Variants in HUWE1 observed in about 807,000 individuals in gnomAD.
HUWE1 encodes the protein E3 ubiquitin-protein ligase HUWE1.
Under a neutral mutation model 299.4 loss-of-function variants are expected in HUWE1, and 18 were observed. The ratio of observed to expected loss-of-function variants is 0.06; its 90% confidence interval spans 0.04 to 0.09. HUWE1 has a LOEUF of 0.09. Ranked by LOEUF, HUWE1 falls within the 10% of genes least tolerant of loss-of-function variation. The pLI is 1.00. For missense variants in HUWE1, 1,832 were observed against 3,462.3 expected (o/e 0.53, Z 11.82); for synonymous variants, 1,317 against 1,286.1 (o/e 1.02, Z -0.51).
intron 28 of HUWE1, 45 bp downstream of exon 28, chrX:53,602,519 C>G (rs979593340): frequency 8.2e-5 from 63 of 773,003 alleles, no homozygotes; most frequent in Non-Finnish European, 1.2e-4. Flanking sequence ...GACGTAGGAA[C>G]AAAACTTAGA....
intron 43 of HUWE1, 117 bp from the exon 44 acceptor site, chrX:53,577,184 T>C (rs2063147721): frequency 7.1e-6 from 4 of 560,379 alleles, no homozygotes; most frequent in Non-Finnish European, 9.4e-6. Flanking sequence ...TAGGAGACCA[T>C]TTTCAATTAA....
Position 53,534,507 on chromosome X carries a change from G to A in HUWE1, c.12831+9C>T. On this transcript the variant is annotated intron_variant, in intron 82 of 83. Coordinates refer to ENST00000262854, the MANE Select transcript of HUWE1 (RefSeq NM_031407.7). ...GACCATATGAGGAGGGATGCCAGCA[G>A]CAGCTCACCTGAATAGAGTTGGACT... is the stretch of plus-strand genomic sequence containing the variant. 8.3e-7 allele frequency: 1 copy of A among 1,200,444 alleles called. No individual in the cohort carries two copies. The highest frequency in any genetic ancestry group is 1.1e-6 in the Non-Finnish European group (1 of 887,964).
At chrX:53,583,067 T>A (rs1302451878) in intron 42 of HUWE1, among the ~76,000 whole-genome samples, 1 of 112,323 alleles carries the variant, frequency 8.9e-6, no homozygotes, top group African/African-American at 3.2e-5. Flanking sequence ...AATAACCTGT[T>A]TTCTGATCTG....
chrX:53,638,446 CATAA>C (rs2067359746), intron 7 of HUWE1, among the ~76,000 whole-genome samples: 1 of 112,581 alleles, frequency 8.9e-6, no homozygotes, highest in East Asian at 2.8e-4. Context: ...GTAGATAACC[CATAA>C]ATAACTATAT....
At chrX:53,619,757 A>G (rs1389818533) in intron 19 of HUWE1, among the ~76,000 whole-genome samples, 1 of 111,599 alleles carries the variant, frequency 9.0e-6, no homozygotes, top group African/African-American at 3.3e-5. Flanking sequence ...TTACCCACAG[A>G]TGTACTTCAA....
At chrX:53,658,858 C>T (rs1192303805) in intron 3 of HUWE1, among the ~76,000 whole-genome samples, 2 of 112,584 alleles carry the variant, frequency 1.8e-5, no homozygotes, top group Non-Finnish European at 3.8e-5. Flanking sequence ...ACTCTTAAAA[C>T]TCAACAGTAA....
chrX:53,682,123 G>A (rs185993896), intron 2 of HUWE1, among the ~76,000 whole-genome samples: 1 of 112,393 alleles, frequency 8.9e-6, no homozygotes, highest in African/African-American at 3.2e-5. Context: ...ATTAGCATAT[G>A]ACACAGGTAC....
chrX:53,546,870 C>G (rs2061560003), intron 68 of HUWE1, 45 bp from the exon 69 acceptor site: 1 of 1,181,807 alleles, frequency 8.5e-7, no homozygotes, highest in South Asian at 1.9e-5. Flanking sequence ...CTGAAACTCA[C>G]AAGCCAGGGA....
At position 53,549,451 on chromosome X, in the gene HUWE1, C is replaced by G. The variant is rs781942225; in HGVS notation, c.9543G>C (p.Leu3181=). The change falls in exon 67 of 84, where the codon CTG becomes CTC. Residue 3181 remains leucine (L), a synonymous_variant. Coordinates refer to ENST00000262854, the MANE Select transcript of HUWE1 (RefSeq NM_031407.7). ...AGAGACAAGAAAGGGCTTCGTGGTC[C>G]AGAAGGAGCCGTCCTCGGAGGCGGA... ...TLLRLRGRLL[L]DHEALSCLLV... 8.3e-7 allele frequency: 1 copy of G among 1,211,040 alleles called. No homozygotes were observed. Among genetic ancestry groups the G allele is most frequent in the South Asian group, 1.8e-5 (1 of 56,967 alleles).
intron 4 of HUWE1, among the ~76,000 whole-genome samples, chrX:53,653,840 A>G (rs968849494): frequency 1.8e-5 from 2 of 111,963 alleles, no homozygotes; most frequent in Admixed American, 9.4e-5. Context: ...AGCTACGAAG[A>G]ACTAACTGAT....
In HUWE1 at chrX:53,561,848, G is replaced by C; in HGVS notation, c.7415C>G (p.Pro2472Arg). The change falls in exon 55 of 84, where the codon CCT becomes CGT. Residue 2472 changes from proline (P) to arginine (R), a missense_variant. By Grantham distance (103) the Pro-to-Arg change is moderately radical (BLOSUM62 -2). Around this residue, in one of 15 missense-constraint regions of HUWE1, gnomAD observed 170 missense variants for 335.8 expected, o/e 0.51. Coordinates refer to ENST00000262854, the MANE Select transcript of HUWE1 (RefSeq NM_031407.7). The stretch of plus-strand genomic sequence containing the variant: ...GACCAAGGGAGAAGCGTTCATATCA[G>C]GATAATCCTCATCCAATTCCATCTC... ...GSEMELDEDYPDMNASPLVRF... is the reference protein window; with the variant it reads ...GSEMELDEDYRDMNASPLVRF... 1.7e-6 allele frequency: 2 copies of C among 1,211,572 alleles called. No homozygotes were observed. Among genetic ancestry groups the C allele is most frequent in the Non-Finnish European group, 2.2e-6 (2 of 895,455 alleles).
intron 35 of HUWE1, 78 bp downstream of exon 35, chrX:53,590,326 T>C: frequency 3.0e-6 from 2 of 663,567 alleles, no homozygotes; most frequent in African/African-American, 4.2e-5. Context: ...ATCAATTAGT[T>C]TGCAATACTA....
intron 17 of HUWE1, 34 bp downstream of exon 17, chrX:53,627,376 G>T: frequency 1.1e-6 from 1 of 883,640 alleles, no homozygotes; most frequent in Non-Finnish European, 1.7e-6. Context: ...AAAATCTCAA[G>T]CACAAAAATA....
intron 82 of HUWE1, 59 bp from the exon 83 acceptor site, chrX:53,534,256 G>A (rs1207627157): frequency 3.9e-6 from 4 of 1,021,600 alleles, no homozygotes; most frequent in Non-Finnish European, 5.5e-6. Flanking sequence ...AGCAGGGTGG[G>A]GGGGATGGAA....
At chrX:53,657,328 C>A (rs782287530) in intron 3 of HUWE1, among the ~76,000 whole-genome samples, 6 of 112,099 alleles carry the variant, frequency 5.4e-5, no homozygotes, top group Non-Finnish European at 1.1e-4. Context: ...AATCCCAACA[C>A]TTTGGGAGGC....
chrX:53,569,337 A>C (rs1173529889), intron 48 of HUWE1, among the ~76,000 whole-genome samples: 1 of 112,732 alleles, frequency 8.9e-6, no homozygotes, highest in Non-Finnish European at 1.9e-5. Context: ...TACTTTAAAT[A>C]AAATTTAAAA....
chrX:53,577,638 C>T (rs2063202603), intron 43 of HUWE1, among the ~76,000 whole-genome samples: 1 of 113,068 alleles, frequency 8.8e-6, no homozygotes, highest in Non-Finnish European at 1.9e-5. Context: ...CCTGCCTCAG[C>T]CTGCCGAGTG....
At position 53,535,139 on chromosome X, in the gene HUWE1, T is replaced by C. The variant is rs1190634545; in HGVS notation, c.12649+245A>G. ...TAGTAGAGACGGGGTTTCACCATGTTGGCCAGGCTGGTCTCAAACTCCTCA... is the reference window on the plus strand; with the variant it reads ...TAGTAGAGACGGGGTTTCACCATGTCGGCCAGGCTGGTCTCAAACTCCTCA... On this transcript the variant is annotated intron_variant, in intron 81 of 83. Coordinates refer to ENST00000262854, the MANE Select transcript of HUWE1 (RefSeq NM_031407.7). Among the ~76,000 whole-genome samples the C allele has an allele frequency of 3.6e-5, 4 of 111,187 alleles. No homozygotes were observed. In the Admixed American group the frequency reaches 3.8e-4, roughly 11 times the overall value.
intron 76 of HUWE1, 121 bp from the exon 77 acceptor site, chrX:53,538,575 T>C: frequency 3.4e-6 from 2 of 581,083 alleles, no homozygotes; most frequent in Admixed American, 5.4e-5. Flanking sequence ...CTAAAAGGAC[T>C]AGTCAAAACC....
Sources: gnomAD v4.1 joint callset for allele counts (sites outside exome capture counted in the v4.1 genomes callset) on GRCh38, gnomAD v4.1.1 for gene constraint, gnomAD v4.1.1 regional missense constraint, MANE v1.5 for transcripts, NCBI Gene and HGNC (gene_info 2026-07-23, HGNC 2026-07-21) for gene names.